BTK: variants seen among roughly 807,000 people sequenced by gnomAD.
BTK encodes the protein tyrosine-protein kinase BTK.
BTK carries 5 observed loss-of-function variants against 57.4 expected under a neutral mutation model. That is an observed-to-expected ratio of 0.09 (90% confidence interval 0.05 to 0.18). The LOEUF (loss-of-function observed/expected upper bound fraction) is 0.18, where lower values mean the gene tolerates loss of function less well. BTK is among the 10% of genes least tolerant of loss of function. The pLI, the probability that BTK is intolerant of heterozygous loss-of-function variation, is 1.00. For synonymous variants in BTK, 154 were observed against 174.3 expected (o/e 0.88, Z 0.92); for missense variants, 194 against 501.2 (o/e 0.39, Z 5.85).
chrX:101,357,083 T>TCCC, intron 13 of BTK, 128 bp from the exon 14 acceptor site: 2 of 730,542 alleles, frequency 2.7e-6, no homozygotes, highest in Non-Finnish European at 4.2e-6. Context: ...TACTAATCTG[T>TCCC]CTTTGCTTAA....
chrX:101,363,653 C>T (rs1926740945), intron 5 of BTK, among the ~76,000 whole-genome samples: 1 of 106,164 alleles, frequency 9.4e-6, no homozygotes, highest in East Asian at 3.0e-4. Flanking sequence ...TTGCAGTGAG[C>T]CGAGATCGCG....
At position 101,375,246 on chromosome X, in the gene BTK, T is replaced by C. The variant is rs781873610; in HGVS notation, c.39A>G (p.Arg13=). 5.8e-6 allele frequency: 7 copies of C among 1,211,776 alleles called. No homozygotes were observed. The South Asian group carries it at 1.1e-4, about 18-fold the overall frequency. Reference sequence around the variant, plus strand: ...GTGATGTTTTCTTTTTCTGTTGGGATCGCTTCAGAAAGATGCTCTCCAGAA... The same window carrying C: ...GTGATGTTTTCTTTTTCTGTTGGGACCGCTTCAGAAAGATGCTCTCCAGAA... ...AVILESIFLK[R]SQQKKKTSPL... The change falls in exon 2 of 19, where the codon CGA becomes CGG. Residue 13 remains arginine, a synonymous_variant. Coordinates refer to ENST00000308731, the MANE Select transcript of BTK (RefSeq NM_000061.3).
intron 1 of BTK, among the ~76,000 whole-genome samples, chrX:101,379,669 C>G (rs1555981511): frequency 1.8e-5 from 2 of 111,716 alleles, no homozygotes; most frequent in African/African-American, 6.5e-5. Context: ...TGCCATCTGC[C>G]TTGGGGCCCC....
At chrX:101,370,897 T>C (rs138279014) in intron 4 of BTK, among the ~76,000 whole-genome samples, 2,150 of 112,681 alleles carry the variant, frequency 0.019, 58 homozygotes, top group African/African-American at 0.065. Flanking sequence ...GTGTCTGAAA[T>C]ACCCCTCTTT....
chrX:101,349,847 GGAGAA>G lies in BTK; in HGVS notation c.*33_*37del. The stretch of plus-strand genomic sequence containing the variant: ...CTGAGAAAGTGAAATTGGGGCTTGT[GGAGAA>G]GAGAAGTAGAACCAAGAAGCTTATT... On this transcript the variant is annotated 3_prime_UTR_variant, in exon 19 of 19. Coordinates refer to ENST00000308731, the MANE Select transcript of BTK (RefSeq NM_000061.3). 6 of 1,135,772 alleles carry G rather than the reference GGAGAA, an allele frequency of 5.3e-6. No individual in the cohort carries two copies. Among genetic ancestry groups the G allele is most frequent in the Non-Finnish European group, 6.0e-6 (5 of 827,120 alleles). The allele number at this position is 1,135,772 out of a possible 1,213,427, so 93.6% of individuals were successfully genotyped here.
At chrX:101,357,927 C>G (rs1926539000) in intron 12 of BTK, among the ~76,000 whole-genome samples, 1 of 112,029 alleles carries the variant, frequency 8.9e-6, no homozygotes, top group Admixed American at 9.5e-5. Context: ...TGCTTATAAA[C>G]TTTCTTCTGA....
At chrX:101,358,035 G>A in intron 12 of BTK, 4 of 461,708 alleles carry the variant, frequency 8.7e-6, no homozygotes, top group Non-Finnish European at 1.6e-5. Flanking sequence ...GTACACAGTA[G>A]GAACTCAATG....
chrX:101,353,355 GA>G lies in BTK; in HGVS notation c.1751-5del. 1 of 1,209,762 alleles carries G rather than the reference GA, an allele frequency of 8.3e-7. No homozygotes were observed. The highest frequency in any genetic ancestry group is 1.7e-5 in the African/African-American group (1 of 57,666). On this transcript the variant is annotated splice_region_variant and splice_polypyrimidine_tract_variant and intron_variant, in intron 17 of 18. Coordinates refer to ENST00000308731, the MANE Select transcript of BTK (RefSeq NM_000061.3). ...TAAATTTCCCACATCAAAACCCCTA[GA>G]AGGTGAAAAAAATTATTAAATTGGT...
At chrX:101,382,205 A>C (rs1480196512) in intron 1 of BTK, among the ~76,000 whole-genome samples, 3 of 111,005 alleles carry the variant, frequency 2.7e-5, no homozygotes, top group African/African-American at 9.8e-5. Context: ...GAAGGCATCA[A>C]GCCAAACTCA....
In BTK at chrX:101,375,244, G is replaced by C. The variant is rs1057520682; in HGVS notation, c.41C>G (p.Ser14Cys). Residue 14 changes from serine (S) to cysteine (C), a missense_variant, in exon 2 of 19, where the codon TCC becomes TGC. Physicochemically the swap from Ser to Cys is moderately radical, Grantham distance 112 (BLOSUM62 -1). Coordinates refer to ENST00000308731, the MANE Select transcript of BTK (RefSeq NM_000061.3). ...VILESIFLKRSQQKKKTSPLN... is the reference protein window; with the variant it reads ...VILESIFLKRCQQKKKTSPLN... Reference sequence around the variant, plus strand: ...AGGTGATGTTTTCTTTTTCTGTTGGGATCGCTTCAGAAAGATGCTCTCCAG... The same window carrying C: ...AGGTGATGTTTTCTTTTTCTGTTGGCATCGCTTCAGAAAGATGCTCTCCAG... 8.3e-7 allele frequency: 1 copy of C among 1,211,435 alleles called. No individual in the cohort carries two copies.
intron 1 of BTK, among the ~76,000 whole-genome samples, chrX:101,381,024 A>T (rs1282274087): frequency 1.0e-4 from 11 of 107,891 alleles, no homozygotes; most frequent in Non-Finnish European, 2.1e-4. Context: ...AAAAAAAAAA[A>T]AAAAGAAAAT....
At position 101,356,987 on chromosome X, in the gene BTK, G is replaced by A. The variant is rs891338963; in HGVS notation, c.1178-32C>T. The stretch of plus-strand genomic sequence containing the variant: ...ATAAAGTCTTGGTGTGATTCTTTGG[G>A]GTCATGAATGTATAATTCTTACAAT... On this transcript the variant is annotated intron_variant, in intron 13 of 18. Coordinates refer to ENST00000308731, the MANE Select transcript of BTK (RefSeq NM_000061.3). 3.3e-6 allele frequency: 4 copies of A among 1,196,291 alleles called. No individual in the cohort carries two copies. In the South Asian group the frequency reaches 7.1e-5, roughly 21 times the overall value.
chrX:101,359,468 G>A, intron 9 of BTK, 121 bp from the exon 10 acceptor site: 1 of 701,936 alleles, frequency 1.4e-6, no homozygotes, highest in Non-Finnish European at 2.3e-6. Flanking sequence ...TATTTACTGA[G>A]CATCTGTCAT....
At chrX:101,372,646 A>T (rs1555980506) in intron 3 of BTK, among the ~76,000 whole-genome samples, 1 of 107,070 alleles carries the variant, frequency 9.3e-6, no homozygotes, top group African/African-American at 3.4e-5. Context: ...ACGGGGTTTC[A>T]CCATGTTGGT....
At chrX:101,362,739 A>G (rs1397851993) in intron 5 of BTK, 50 bp from the exon 6 acceptor site, 3 of 1,206,184 alleles carry the variant, frequency 2.5e-6, no homozygotes, top group East Asian at 5.9e-5. Flanking sequence ...AGGAGAAGCC[A>G]CCATTTGCAT....
At chrX:101,383,943 A>G (rs1555982152) in intron 1 of BTK, among the ~76,000 whole-genome samples, 1 of 111,544 alleles carries the variant, frequency 9.0e-6, no homozygotes, top group African/African-American at 3.3e-5. Flanking sequence ...ATAACCAAGT[A>G]GCTTTGGAGT....
At position 101,381,005 on chromosome X, in the gene BTK, G is replaced by A. The variant is rs1306719647; in HGVS notation, c.-31+5057C>T. On this transcript the variant is annotated intron_variant, in intron 1 of 18. Transcript: ENST00000308731. Reference sequence around the variant, plus strand: ...TGGGCAACAAGAGTGAAACTCGGTCGCGAAAAAAAAAAAAAAAAAAAAAGA... The same window carrying A: ...TGGGCAACAAGAGTGAAACTCGGTCACGAAAAAAAAAAAAAAAAAAAAAGA... Among the ~76,000 whole-genome samples the A allele has an allele frequency of 5.2e-5, 4 of 77,658 alleles. No individual in the cohort carries two copies. The East Asian group carries it at 1.5e-3, about 30-fold the overall frequency. The allele number at this position is 77,658 out of a possible 115,157, so 67.4% of individuals were successfully genotyped here.
At chrX:101,362,829 A>G in intron 5 of BTK, 140 bp from the exon 6 acceptor site, 1 of 872,122 alleles carries the variant, frequency 1.1e-6, no homozygotes, top group East Asian at 3.2e-5. Context: ...AGATCACAGG[A>G]CCAGTTGGCT....
chrX:101,357,078 A>AT, intron 13 of BTK, 123 bp from the exon 14 acceptor site: 1 of 755,475 alleles, frequency 1.3e-6, no homozygotes, highest in Non-Finnish European at 2.0e-6. Flanking sequence ...AGAAGTACTA[A>AT]TCTGTCTTTG....
Sources: allele counts gnomAD v4.1 joint callset (sites outside exome capture counted in the v4.1 genomes callset), GRCh38; gene constraint gnomAD v4.1.1; transcripts MANE v1.5; gene names NCBI Gene and HGNC (gene_info 2026-07-23, HGNC 2026-07-21).